The following PIF1 variants were observed in gnomAD, a reference collection of about 807,000 sequenced individuals.
PIF1 encodes the protein ATP-dependent DNA helicase PIF1.
PIF1 carries 67 observed loss-of-function variants against 62.3 expected under a neutral mutation model. The observed-to-expected ratio is 1.08, with a 90% confidence interval of 0.88 to 1.32. The LOEUF (loss-of-function observed/expected upper bound fraction) is 1.32, where lower values mean the gene tolerates loss of function less well. Ranked by LOEUF, PIF1 falls within the 40% of genes most tolerant of loss-of-function variation. The pLI, the probability that PIF1 is intolerant of heterozygous loss-of-function variation, is 0.00. For missense variants in PIF1, 886 were observed against 866.1 expected (o/e 1.02, Z -0.29); for synonymous variants, 364 against 379.5 (o/e 0.96, Z 0.47).
Position 64,815,840 on chromosome 15 carries a change from C to G in PIF1, c.*458G>C, listed in dbSNP as rs770758429. On this transcript the variant is annotated 3_prime_UTR_variant, in exon 13 of 13. Transcript: ENST00000559239. The stretch of plus-strand genomic sequence containing the variant: ...CTAGCTGTAGAGACACACCTAAGTT[C>G]CGTTCTCTGTTTGGAGGCTGCACCC... 3 of 1,550,610 alleles carry G rather than the reference C, an allele frequency of 1.9e-6. No homozygotes were observed. In the South Asian group the frequency reaches 3.6e-5, roughly 18 times the overall value.
chr15:64,824,553 G>C (rs1452164030), intron 1 of PIF1, among the ~76,000 whole-genome samples, 199 bp from the exon 2 acceptor site: 2 of 152,110 alleles, frequency 1.3e-5, no homozygotes, highest in Non-Finnish European at 2.9e-5. Context: ...TCCACCCTTA[G>C]AATATGCCCT....
In PIF1 at chr15:64,821,449, A is replaced by G. The variant is rs1426435691; in HGVS notation, c.889T>C (p.Trp297Arg). 10 of 1,613,982 alleles carry G rather than the reference A, an allele frequency of 6.2e-6. No homozygotes were observed. The highest frequency in any genetic ancestry group is 1.3e-5 in the African/African-American group (1 of 74,932). Residue 297 changes from tryptophan (W) to arginine (R), a missense_variant, in exon 5 of 13, where the codon TGG becomes CGG. Transcript: ENST00000559239. ...ATGACCAACCGCTGGCAGTTCAGCCAGCCCTGCCGCACGCCTGGCCTTTGG... is the reference window on the plus strand; with the variant it reads ...ATGACCAACCGCTGGCAGTTCAGCCGGCCCTGCCGCACGCCTGGCCTTTGG... ...LAQRPGVRQG[W>R]LNCQRLVIDE... is the part of the protein sequence containing the mutation.
intron 7 of PIF1, 141 bp downstream of exon 7, chr15:64,820,841 C>A (rs1372996084): frequency 2.8e-6 from 2 of 718,276 alleles, no homozygotes; most frequent in African/African-American, 3.6e-5. Context: ...CAGTGCCCTG[C>A]CCAAGGCTCC....
Position 64,816,271 on chromosome 15 carries a change from C to A in PIF1, c.*27G>T. On this transcript the variant is annotated 3_prime_UTR_variant, in exon 13 of 13. Coordinates refer to ENST00000559239, the MANE Select transcript of PIF1 (RefSeq NM_001286496.2). ...GGAGGACGGGGAGGCCACAGGCCAC[C>A]CTTTGTCTTCTCTTTGTGGGTGAGG... is the stretch of plus-strand genomic sequence containing the variant. The A allele has an allele frequency of 6.2e-7, 1 of 1,613,574 alleles. No individual in the cohort carries two copies. Among genetic ancestry groups the A allele is most frequent in the Non-Finnish European group, 8.5e-7 (1 of 1,179,970 alleles).
intron 2 of PIF1, among the ~76,000 whole-genome samples, chr15:64,822,981 T>C (rs2084312260): frequency 6.6e-6 from 1 of 152,104 alleles, no homozygotes; most frequent in Non-Finnish European, 1.5e-5. Flanking sequence ...CAAAACCCTG[T>C]CTAGCCAGGG....
chr15:64,825,972 T>A (rs2084363428), upstream of PIF1, among the ~76,000 whole-genome samples: 1 of 152,098 alleles, frequency 6.6e-6, no homozygotes, highest in African/African-American at 2.4e-5. Flanking sequence ...TCCAGCACAC[T>A]CCCTCTCCCC....
intron 12 of PIF1, 57 bp downstream of exon 12, chr15:64,816,517 G>T: frequency 1.9e-6 from 3 of 1,603,658 alleles, no homozygotes; most frequent in Non-Finnish European, 2.6e-6. Context: ...CGCTCCCTCT[G>T]TCCTAGCTCC....
chr15:64,816,916 G>T, intron 11 of PIF1, 151 bp from the exon 12 acceptor site: 1 of 691,512 alleles, frequency 1.4e-6, no homozygotes. Context: ...ACAGCAGGTG[G>T]CTGTCTGAGT....
At chr15:64,820,941 AT>A in intron 7 of PIF1, 40 bp downstream of exon 7, 1 of 1,563,628 alleles carries the variant, frequency 6.4e-7, no homozygotes, top group Non-Finnish European at 8.8e-7. Flanking sequence ...CCATGCCTGG[AT>A]CCTCATCCCA....
chr15:64,817,797 G>A, intron 11 of PIF1, 149 bp downstream of exon 11: 1 of 863,402 alleles, frequency 1.2e-6, no homozygotes. Context: ...GGGAGGTGGA[G>A]GTTGCAGTGA....
intron 2 of PIF1, 91 bp downstream of exon 2, chr15:64,823,687 G>A (rs2084321614): frequency 1.0e-6 from 1 of 978,918 alleles, no homozygotes; most frequent in Non-Finnish European, 1.3e-6. Context: ...TACCCACACC[G>A]GCTTCCCCTC....
chr15:64,822,613 G>C lies in PIF1; in HGVS notation c.559-3C>G. 6.2e-7 allele frequency: 1 copy of C among 1,613,558 alleles called. No individual in the cohort carries two copies. Among genetic ancestry groups the C allele is most frequent in the Non-Finnish European group, 8.5e-7 (1 of 1,179,978 alleles). On this transcript the variant is annotated splice_polypyrimidine_tract_variant and splice_region_variant and intron_variant, in intron 2 of 12. Coordinates refer to ENST00000559239, the MANE Select transcript of PIF1 (RefSeq NM_001286496.2). ...GGCAGGGGCCACCTTGGGGCTTCCT[G>C]GGGGGAACAGAGCTATCTCAGAGCA... is the stretch of plus-strand genomic sequence containing the variant.
Position 64,822,532 on chromosome 15 carries a change from C to T in PIF1, c.637G>A (p.Ala213Thr). 6.2e-7 allele frequency: 1 copy of T among 1,614,162 alleles called. No individual in the cohort carries two copies. The highest frequency in any genetic ancestry group is 8.5e-7 in the Non-Finnish European group (1 of 1,180,032). ...CCTTTCAGGACGGCCCTCAGCACAGCAGCCTGTTCCTCAGAAAGCTGTGGC... is the reference window on the plus strand; with the variant it reads ...CCTTTCAGGACGGCCCTCAGCACAGTAGCCTGTTCCTCAGAAAGCTGTGGC... ...TKPQLSEEQA[A>T]VLRAVLKGQS... is the part of the protein sequence containing the mutation. The change falls in exon 3 of 13, where the codon GCT (alanine) becomes ACT (threonine). Residue 213 changes from alanine to threonine, a missense_variant. By Grantham distance (58) the Ala-to-Thr change is moderately conservative. Transcript: ENST00000559239.
At chr15:64,824,799 T>C (rs917976309) in intron 1 of PIF1, among the ~76,000 whole-genome samples, 1 of 127,218 alleles carries the variant, frequency 7.9e-6, no homozygotes, top group Non-Finnish European at 1.6e-5. Flanking sequence ...CTGGGCAACA[T>C]AGCGACACCC....
upstream of PIF1, among the ~76,000 whole-genome samples, chr15:64,826,665 TACACACACAC>T (rs796586375): frequency 4.7e-4 from 20 of 42,786 alleles, no homozygotes; most frequent in South Asian, 1.6e-3. Context: ...TATATATATA[TACACACACAC>T]ACACATATAT....
At chr15:64,821,642 G>A in intron 4 of PIF1, 122 bp from the exon 5 acceptor site, 1 of 1,239,164 alleles carries the variant, frequency 8.1e-7, no homozygotes. Flanking sequence ...CACGATCTTG[G>A]CTCACTGTAA....
rs1243892097 is a variant in PIF1 at position 64,819,997 on chromosome 15, T to C, written c.1194-11A>G. On this transcript the variant is annotated splice_polypyrimidine_tract_variant and intron_variant, in intron 7 of 12. Transcript: ENST00000559239. The stretch of plus-strand genomic sequence containing the variant: ...ACCTCATCTGAACACCTGTTGGGGC[T>C]GGACTGTCAGGGCAGAGCCCACCTG... 6.2e-7 allele frequency: 1 copy of C among 1,612,240 alleles called. No homozygotes were observed. The highest frequency in any genetic ancestry group is 2.2e-5 in the East Asian group (1 of 44,874).
chr15:64,821,420 G>T lies in PIF1; in HGVS notation c.918C>A (p.Asp306Glu), dbSNP rs544028157. ...GWLNCQRLVI[D>E]EISMVEADLF... ...GGTCTGCCTCCACCATTGAGATCTC[G>T]TCAATGACCAACCGCTGGCAGTTCA... The change falls in exon 5 of 13, where the codon GAC (aspartate) becomes GAA (glutamate). Residue 306 changes from aspartate (D) to glutamate (E), a missense_variant. By Grantham distance (45) the Asp-to-Glu change is conservative. Transcript: ENST00000559239. The T allele has an allele frequency of 3.7e-5, 59 of 1,614,178 alleles. No individual in the cohort carries two copies. In the Admixed American group the frequency reaches 9.8e-4, roughly 27 times the overall value.
intron 3 of PIF1, 32 bp from the exon 4 acceptor site, chr15:64,822,423 T>C: frequency 6.2e-7 from 1 of 1,614,172 alleles, no homozygotes; most frequent in African/African-American, 1.3e-5. Flanking sequence ...CAGGTCTCCC[T>C]GTTCCTCTAT....
Sources: gnomAD v4.1 joint callset for allele counts (sites outside exome capture counted in the v4.1 genomes callset) on GRCh38, gnomAD v4.1.1 for gene constraint, MANE v1.5 for transcripts, NCBI Gene and HGNC (gene_info 2026-07-23, HGNC 2026-07-21) for gene names.